The following NRAP variants were observed in gnomAD, a reference collection of about 807,000 sequenced individuals.
NRAP encodes nebulin related anchoring protein.
NRAP carries 189 observed loss-of-function variants against 225.9 expected under a neutral mutation model. That is an observed-to-expected ratio of 0.84 (90% CI 0.74 to 0.94). The LOEUF is 0.94. NRAP is among the 40% of genes least tolerant of loss of function. NRAP has a pLI of 0.00. For synonymous variants in NRAP, 769 were observed against 790.7 expected, an observed-to-expected ratio of 0.97 and a Z score of 0.46; for missense variants, 2,176 against 2,168.7, an observed-to-expected ratio of 1.00 and a Z score of -0.07.
intron 40 of NRAP, 49 bp from the exon 41 acceptor site, chr10:113,589,846 C>A (rs367726303): frequency 3.0e-5 from 48 of 1,589,934 alleles, no homozygotes; most frequent in Non-Finnish European, 2.9e-5. Context: ...GGGTTTGGAG[C>A]GGTTTGACCA....
intron 10 of NRAP, 39 bp downstream of exon 10, chr10:113,646,884 C>T (rs1268176892): frequency 7.4e-7 from 1 of 1,356,010 alleles, no homozygotes; most frequent in South Asian, 1.2e-5. Context: ...TCTCACTTCT[C>T]TGCCTCTGGC....
At chr10:113,633,212 T>C in intron 15 of NRAP, 24 bp from the exon 16 acceptor site, 1 of 1,354,784 alleles carries the variant, frequency 7.4e-7, no homozygotes. Context: ...AATAAATCTG[T>C]AGGGTTTTTA....
At chr10:113,661,303 C>T (rs1004923118) in intron 3 of NRAP, among the ~76,000 whole-genome samples, 3 of 152,126 alleles carry the variant, frequency 2.0e-5, no homozygotes, top group African/African-American at 7.2e-5. Flanking sequence ...GCTATATATG[C>T]TTGTTAAATA....
intron 30 of NRAP, among the ~76,000 whole-genome samples, chr10:113,611,626 C>T (rs997214582): frequency 6.6e-6 from 1 of 152,072 alleles, no homozygotes; most frequent in African/African-American, 2.4e-5. Flanking sequence ...TCAAAGGGAC[C>T]CAAGGAGGGT....
In NRAP at chr10:113,589,666, G is replaced by T. The variant is rs113590679; in HGVS notation, c.5088C>A (p.Tyr1696Ter). The T allele has an allele frequency of 6.2e-7, 1 of 1,613,560 alleles. No individual in the cohort carries two copies. Among genetic ancestry groups the T allele is most frequent in the East Asian group, 2.2e-5 (1 of 44,876 alleles). Residue 1696 changes from tyrosine (Y) to a stop codon, truncating the protein, a stop_gained and splice_region_variant, in exon 41 of 42, where the codon TAC becomes TAA. Coordinates refer to ENST00000359988, the MANE Select transcript of NRAP (RefSeq NM_198060.4). LOFTEE classifies it high-confidence loss of function. ...GGTGGCTTTGCAGCTTGCTACTCAC[G>T]TAAGCTCCCTGGAGACCCAGGCCCC... The part of the protein sequence containing the change: ...NARGLGLQGA[Y>*]RGAEAVEAGD...
At chr10:113,634,907 G>A (rs559809652) in intron 14 of NRAP, among the ~76,000 whole-genome samples, 1 of 152,258 alleles carries the variant, frequency 6.6e-6, no homozygotes, top group East Asian at 1.9e-4. Flanking sequence ...CTCCTTGTAG[G>A]TGGCCCTAAC....
At chr10:113,615,666 C>T in intron 27 of NRAP, 46 bp downstream of exon 27, 1 of 1,055,056 alleles carries the variant, frequency 9.5e-7, no homozygotes, top group Non-Finnish European at 1.5e-6. Flanking sequence ...CATGACCAGC[C>T]CCGCTCTCCC....
At chr10:113,598,403 A>G (rs1473843900) in intron 35 of NRAP, among the ~76,000 whole-genome samples, 1 of 151,542 alleles carries the variant, frequency 6.6e-6, no homozygotes, top group Non-Finnish European at 1.5e-5. Flanking sequence ...AGCTGGGATT[A>G]TTTTGTTTCA....
At chr10:113,634,508 C>T (rs772261602) in intron 14 of NRAP, among the ~76,000 whole-genome samples, 20 of 152,182 alleles carry the variant, frequency 1.3e-4, no homozygotes, top group African/African-American at 3.4e-4. Context: ...CCACAAGATA[C>T]CCCTGCACAC....
chr10:113,639,158 T>TAAGTC (rs58289629), intron 14 of NRAP, among the ~76,000 whole-genome samples: 83,524 of 149,240 alleles, frequency 0.56, 24,362 homozygotes, highest in East Asian at 0.73. Flanking sequence ...GTGAAATGAG[T>TAAGTC]AAGTCAATCC....
Position 113,590,558 on chromosome 10 carries a change from A to G in NRAP, c.4956+20T>C, listed in dbSNP as rs1331886006. 9 of 1,601,240 alleles carry G rather than the reference A, an allele frequency of 5.6e-6. No individual in the cohort carries two copies. The highest frequency in any genetic ancestry group is 1.3e-5 in the African/African-American group (1 of 74,778). On this transcript the variant is annotated intron_variant, in intron 40 of 41. Coordinates refer to ENST00000359988, the MANE Select transcript of NRAP (RefSeq NM_198060.4). Reference sequence around the variant, plus strand: ...GGCACCAGGGGAAGGGCCTCAAGGGAGTGGGTGGAGGTGGCTCACATCACT... The same window carrying G: ...GGCACCAGGGGAAGGGCCTCAAGGGGGTGGGTGGAGGTGGCTCACATCACT...
chr10:113,647,033 G>C lies in NRAP; in HGVS notation c.889-6C>G. ...TCATACTCCTCCGGGTAACCCTGCC[G>C]GGTGCATCAAAAACTTCAGTGAGTA... On this transcript the variant is annotated splice_polypyrimidine_tract_variant and splice_region_variant and intron_variant, in intron 9 of 41. Transcript: ENST00000359988. 6.2e-7 allele frequency: 1 copy of C among 1,605,652 alleles called. No individual in the cohort carries two copies. Among genetic ancestry groups the C allele is most frequent in the East Asian group, 2.2e-5 (1 of 44,840 alleles).
At position 113,620,655 on chromosome 10, in the gene NRAP, G is replaced by A. The variant is rs770867037; in HGVS notation, c.2823C>T (p.Thr941=). 17 of 1,613,524 alleles carry A rather than the reference G, an allele frequency of 1.1e-5. No individual in the cohort carries two copies. Among genetic ancestry groups the A allele is most frequent in the East Asian group, 4.5e-5 (2 of 44,856 alleles). The part of the protein sequence containing the change: ...KWMKGMGWVA[T]GSLNVEQAKK... ...TCGCCTGCTCCACATTTAATGACCC[G>A]GTGGCGACCCAGCCCATGCCTTTCA... The change falls in exon 25 of 42, where the codon ACC becomes ACT. Residue 941 remains threonine, a synonymous_variant. Coordinates refer to ENST00000359988, the MANE Select transcript of NRAP (RefSeq NM_198060.4).
chr10:113,655,390 A>G (rs183464785), intron 4 of NRAP, among the ~76,000 whole-genome samples: 4 of 152,286 alleles, frequency 2.6e-5, no homozygotes, highest in Admixed American at 2.0e-4. Flanking sequence ...GCAAATTTGC[A>G]ATAGAAAAAA....
chr10:113,617,151 C>A (rs371598052), intron 26 of NRAP, among the ~76,000 whole-genome samples: 4 of 152,058 alleles, frequency 2.6e-5, no homozygotes, highest in African/African-American at 9.7e-5. Context: ...CACTTTCAGG[C>A]AAAAGGAGAG....
At chr10:113,608,691 C>A (rs952689592) in intron 31 of NRAP, among the ~76,000 whole-genome samples, 179 bp from the exon 32 acceptor site, 1 of 152,210 alleles carries the variant, frequency 6.6e-6, no homozygotes, top group Admixed American at 6.5e-5. Context: ...GATGAGGAAG[C>A]AGAGAGGAGG....
chr10:113,661,762 A>G (rs1278649753), intron 3 of NRAP, among the ~76,000 whole-genome samples: 2 of 152,190 alleles, frequency 1.3e-5, no homozygotes, highest in African/African-American at 4.8e-5. Flanking sequence ...CCTAAACTAA[A>G]CTTCCTTTCC....
At chr10:113,629,147 T>A in intron 19 of NRAP, 126 bp from the exon 20 acceptor site, 1 of 731,632 alleles carries the variant, frequency 1.4e-6, no homozygotes, top group Non-Finnish European at 2.4e-6. Flanking sequence ...CCTGCTCCTT[T>A]ATGGTCAGGC....
At position 113,651,807 on chromosome 10, in the gene NRAP, C is replaced by T. The variant is rs142863973; in HGVS notation, c.671G>A (p.Ser224Asn). The stretch of plus-strand genomic sequence containing the variant: ...CTGGCCTCCCTCCTTTCTTACATCA[C>T]TTTGAAGCTGTGCCCCAGCCTTGCT... ...LRSKAGAQLQ[S>N]DVRYTEDYEQ... The change falls in exon 7 of 42, where the codon AGT becomes AAT. Residue 224 changes from serine (S) to asparagine (N), a missense_variant. Physicochemically the swap from Ser to Asn is conservative, Grantham distance 46. Transcript: ENST00000359988. 52 of 1,606,136 alleles carry T rather than the reference C, an allele frequency of 3.2e-5. No homozygotes were observed. In the African/African-American group the frequency reaches 4.9e-4, roughly 15 times the overall value.
Sources: allele counts gnomAD v4.1 joint callset (sites outside exome capture counted in the v4.1 genomes callset), GRCh38; gene constraint gnomAD v4.1.1; transcripts MANE v1.5; gene names NCBI Gene and HGNC (gene_info 2026-07-23, HGNC 2026-07-21).